Variants in ZSWIM3 observed in about 807,000 individuals in gnomAD.
The protein encoded by ZSWIM3 is zinc finger SWIM-type containing 3.
A neutral mutation model predicts 47.5 loss-of-function variants in ZSWIM3; 27 were observed. The observed-to-expected ratio is 0.57, with a 90% CI of 0.42 to 0.78. The LOEUF is 0.78. ZSWIM3 is among the 30% of genes least tolerant of loss of function. The pLI is 0.00. For synonymous variants in ZSWIM3, 333 were observed against 333.9 expected (o/e 1.00, Z 0.03); for missense variants, 689 against 861.3 (o/e 0.80, Z 2.50).
Position 45,876,771 on chromosome 20 carries a change from G to A in ZSWIM3, c.213G>A (p.Arg71=), listed in dbSNP as rs141156476. The change falls in exon 2 of 2, where the codon CGG becomes CGA. Residue 71 remains arginine, a synonymous_variant. Coordinates refer to ENST00000255152, the MANE Select transcript of ZSWIM3 (RefSeq NM_080752.4). ...CCCAATCAAACAGGAAGAGAACGCG[G>A]GAGGCAGACATGTGCCCAGCGTACT... is the stretch of plus-strand genomic sequence containing the variant. ...IRTQSNRKRT[R]EADMCPAYLL... 67 of 1,613,992 alleles carry A rather than the reference G, an allele frequency of 4.2e-5. No individual in the cohort carries two copies. In the African/African-American group the frequency reaches 7.7e-4, roughly 19 times the overall value.
chr20:45,872,595 AC>A, intron 1 of ZSWIM3: 6 of 753,422 alleles, frequency 8.0e-6, no homozygotes, highest in Non-Finnish European at 9.3e-6. Flanking sequence ...GGCATTCCAG[AC>A]AAAGGGACAA....
At position 45,862,928 on chromosome 20, in the gene ZSWIM3, G is replaced by A. The variant is rs140778201; in HGVS notation, c.155+4948G>A. Among the ~76,000 whole-genome samples, 433 of 152,302 alleles carry A rather than the reference G, an allele frequency of 2.8e-3. 5 individuals carry two copies. The highest frequency in any genetic ancestry group is 4.3e-3 in the Admixed American group (65 of 15,282). Reference sequence around the variant, plus strand: ...TAGGATTACAGGCATGAGCCACTGTGCCTGGCCCACTGCATTATTATATAG... The same window carrying A: ...TAGGATTACAGGCATGAGCCACTGTACCTGGCCCACTGCATTATTATATAG... On this transcript the variant is annotated intron_variant, in intron 1 of 1. Transcript: ENST00000255152.
chr20:45,873,525 A>C (rs1269900386), intron 1 of ZSWIM3, among the ~76,000 whole-genome samples: 1 of 152,258 alleles, frequency 6.6e-6, no homozygotes, highest in Non-Finnish European at 1.5e-5. Context: ...TAAACATCTA[A>C]GAAAATGTCA....
chr20:45,865,992 CAAAAA>C (rs377544841), intron 1 of ZSWIM3, among the ~76,000 whole-genome samples: 2 of 98,820 alleles, frequency 2.0e-5, no homozygotes, highest in African/African-American at 9.1e-5. Flanking sequence ...GACTCTGTCT[CAAAAA>C]AAAAAAAAAA....
intron 1 of ZSWIM3, among the ~76,000 whole-genome samples, chr20:45,867,445 CTG>C (rs1985874367): frequency 1.3e-5 from 2 of 152,200 alleles, no homozygotes; most frequent in Admixed American, 6.5e-5. Flanking sequence ...CATTAACAAT[CTG>C]TTTACAGCCA....
chr20:45,866,670 C>T (rs963923864), intron 1 of ZSWIM3, among the ~76,000 whole-genome samples: 1 of 151,840 alleles, frequency 6.6e-6, no homozygotes, highest in Non-Finnish European at 1.5e-5. Context: ...GTCGTGGTGA[C>T]ATGTTCTTGT....
intron 1 of ZSWIM3, among the ~76,000 whole-genome samples, chr20:45,862,649 G>A (rs775382784): frequency 6.6e-6 from 1 of 151,992 alleles, no homozygotes. Flanking sequence ...GCACCACCAC[G>A]CCTGGCTAAT....
chr20:45,875,143 C>T (rs974917881), intron 1 of ZSWIM3, among the ~76,000 whole-genome samples: 5 of 148,576 alleles, frequency 3.4e-5, no homozygotes, highest in African/African-American at 1.2e-4. Flanking sequence ...CCCGGGTTCA[C>T]GCCATTCTCC....
At chr20:45,867,002 AT>A (rs35863246) in intron 1 of ZSWIM3, among the ~76,000 whole-genome samples, 5,649 of 137,222 alleles carry the variant, frequency 0.041, 150 homozygotes, top group African/African-American at 0.098. Flanking sequence ...CAAGTTAGAA[AT>A]TTTTTTTTTT....
Position 45,878,780 on chromosome 20 carries a change from A to G in ZSWIM3, c.*131A>G. On this transcript the variant is annotated 3_prime_UTR_variant, in exon 2 of 2. Transcript: ENST00000255152. ...TAGGTGGGGCTAGGAATATTGTTAC[A>G]GTAGAGAGGAAGGGAACTCCACTGT... 1 of 1,201,666 alleles carries G rather than the reference A, an allele frequency of 8.3e-7. No individual in the cohort carries two copies. The highest frequency in any genetic ancestry group is 1.1e-6 in the Non-Finnish European group (1 of 880,868). The allele number at this position is 1,201,666 out of a possible 1,614,324, so 74.4% of individuals were successfully genotyped here. A position where few individuals can be genotyped will look rare whatever the true frequency, so the allele number is the denominator to read the frequency against.
Position 45,878,459 on chromosome 20 carries a change from A to C in ZSWIM3, c.1901A>C (p.Glu634Ala), listed in dbSNP as rs1986162639. The change falls in exon 2 of 2, where the codon GAG becomes GCG. Residue 634 changes from glutamate (E) to alanine (A), a missense_variant. Transcript: ENST00000255152. Reference sequence around the variant, plus strand: ...TTAGCAAACCTGCTCATGCAGACCGAGGGGCCAGAGCTGGAGGAACGCTAC... The same window carrying C: ...TTAGCAAACCTGCTCATGCAGACCGCGGGGCCAGAGCTGGAGGAACGCTAC... ...RELANLLMQT[E>A]GPELEERYST... The C allele has an allele frequency of 6.2e-7, 1 of 1,614,212 alleles. No homozygotes were observed. The highest frequency in any genetic ancestry group is 8.5e-7 in the Non-Finnish European group (1 of 1,180,028).
intron 1 of ZSWIM3, among the ~76,000 whole-genome samples, chr20:45,858,753 T>A (rs1344983693): frequency 6.6e-6 from 1 of 150,898 alleles, no homozygotes; most frequent in East Asian, 1.9e-4. Context: ...GGCAGTGTTC[T>A]CTATGCATGC....
At position 45,877,699 on chromosome 20, in the gene ZSWIM3, G is replaced by A; in HGVS notation, c.1141G>A (p.Val381Ile). ...CTGTGAACTGCTGTGGTACATGCAT[G>A]TTAGGAAGGGCCTGCTTGCGTGTAA... ...FTCELLWYMH[V>I]RKGLLACNTY... Residue 381 changes from valine to isoleucine, a missense_variant, in exon 2 of 2, where the codon GTT becomes ATT. Transcript: ENST00000255152. 6.2e-7 allele frequency: 1 copy of A among 1,614,056 alleles called. No homozygotes were observed. Among genetic ancestry groups the A allele is most frequent in the South Asian group, 1.1e-5 (1 of 91,086 alleles).
intron 1 of ZSWIM3, among the ~76,000 whole-genome samples, chr20:45,866,032 C>T (rs1378982503): frequency 2.0e-5 from 3 of 150,032 alleles, no homozygotes; most frequent in Non-Finnish European, 4.4e-5. Flanking sequence ...AAAATTCAGG[C>T]TAGGGGGCAT....
Position 45,878,820 on chromosome 20 carries a change from A to G in ZSWIM3, c.*171A>G, listed in dbSNP as rs1986175464. The G allele has an allele frequency of 1.0e-5, 9 of 875,574 alleles. No homozygotes were observed. Among genetic ancestry groups the G allele is most frequent in the Non-Finnish European group, 1.3e-5 (8 of 602,754 alleles). 54.2% of individuals were successfully genotyped at this position (875,574 alleles called of 1,614,324 possible). On this transcript the variant is annotated 3_prime_UTR_variant, in exon 2 of 2. Transcript: ENST00000255152. ...AACTCCACTGTGTGACAGTCCTTTCAATCTGCCCCTTTTCAGCCCTACTTT... is the reference window on the plus strand; with the variant it reads ...AACTCCACTGTGTGACAGTCCTTTCGATCTGCCCCTTTTCAGCCCTACTTT...
At chr20:45,868,461 C>T (rs1170159352) in intron 1 of ZSWIM3, among the ~76,000 whole-genome samples, 1 of 151,444 alleles carries the variant, frequency 6.6e-6, no homozygotes, top group East Asian at 1.9e-4. Flanking sequence ...CCTGTCCAGG[C>T]CGGAGTGCAG....
intron 1 of ZSWIM3, among the ~76,000 whole-genome samples, chr20:45,867,675 A>G (rs1183586625): frequency 6.6e-6 from 1 of 152,168 alleles, no homozygotes; most frequent in African/African-American, 2.4e-5. Context: ...AAACATTGCT[A>G]TCAACTGGGA....
intron 1 of ZSWIM3, among the ~76,000 whole-genome samples, chr20:45,874,500 A>T (rs1266181519): frequency 6.6e-6 from 1 of 152,202 alleles, no homozygotes; most frequent in Non-Finnish European, 1.5e-5. Flanking sequence ...TGACAGAGTG[A>T]GACTTTAATT....
At chr20:45,866,498 G>T (rs978768726) in intron 1 of ZSWIM3, among the ~76,000 whole-genome samples, 3 of 151,626 alleles carry the variant, frequency 2.0e-5, no homozygotes, top group African/African-American at 2.4e-5. Context: ...AAAATGAGAA[G>T]GGTGTGGGGA....
Sources: gnomAD v4.1 joint callset for allele counts (sites outside exome capture counted in the v4.1 genomes callset) on GRCh38, gnomAD v4.1.1 for gene constraint, MANE v1.5 for transcripts, NCBI Gene and HGNC (gene_info 2026-07-23, HGNC 2026-07-21) for gene names.